TNNI3K: variants seen among roughly 807,000 people sequenced by gnomAD.
The protein encoded by TNNI3K is TNNI3 interacting kinase, also known as serine/threonine-protein kinase TNNI3K.
A neutral mutation model predicts 114.5 loss-of-function variants in TNNI3K; 140 were observed. The ratio of observed to expected loss-of-function variants is 1.22; its 90% CI spans 1.07 to 1.41. The LOEUF (loss-of-function observed/expected upper bound fraction) is 1.41, where lower values mean the gene tolerates loss of function less well. Ranked by LOEUF, TNNI3K falls within the 40% of genes most tolerant of loss-of-function variation. The probability of loss-of-function intolerance (pLI) is 0.00; values close to 1 mark genes in which losing one functional copy is unlikely to be tolerated. For missense variants in TNNI3K, 1,125 were observed against 1,007.6 expected, an observed-to-expected ratio of 1.12 and a Z score of -1.58; for synonymous variants, 347 against 347.5, an observed-to-expected ratio of 1.00 and a Z score of 0.02.
chr1:74,380,888 T>A (rs947324786), intron 17 of TNNI3K, among the ~76,000 whole-genome samples: 1 of 152,154 alleles, frequency 6.6e-6, no homozygotes, highest in African/African-American at 2.4e-5. Flanking sequence ...CTTAAGATTC[T>A]GGAGTTTAAT....
chr1:74,512,556 T>A (rs1429180779), intron 23 of TNNI3K: 1 of 152,218 alleles, frequency 6.6e-6, no homozygotes, highest in African/African-American at 2.4e-5. Context: ...AGTTTGTGAA[T>A]CTCTACATTA....
At chr1:74,481,078 A>G in intron 21 of TNNI3K, 1 of 596,304 alleles carries the variant, frequency 1.7e-6, no homozygotes, top group Non-Finnish European at 3.0e-6. Context: ...TCACCTGGGT[A>G]AAAACAATAA....
chr1:74,538,942 T>G (rs923600106), intron 23 of TNNI3K, among the ~76,000 whole-genome samples: 3 of 152,182 alleles, frequency 2.0e-5, no homozygotes, highest in African/African-American at 7.2e-5. Flanking sequence ...AGAGCATTTG[T>G]ATTTTATTCC....
intron 20 of TNNI3K, among the ~76,000 whole-genome samples, chr1:74,460,847 T>C (rs1376554558): frequency 6.6e-6 from 1 of 152,206 alleles, no homozygotes; most frequent in African/African-American, 2.4e-5. Flanking sequence ...TAATGAAGAA[T>C]TAAATATCAT....
chr1:74,309,332 G>A (rs1424306398), intron 5 of TNNI3K, among the ~76,000 whole-genome samples: 1 of 118,008 alleles, frequency 8.5e-6, no homozygotes, highest in African/African-American at 3.2e-5. Context: ...TTGCGCCACT[G>A]CACTCCAGCC....
At chr1:74,470,035 A>T in intron 21 of TNNI3K, 1 of 400,730 alleles carries the variant, frequency 2.5e-6, no homozygotes, top group Non-Finnish European at 4.4e-6. Context: ...TAAGAAGGAA[A>T]GCGCTTCATG....
chr1:74,370,511 A>G (rs1662539274), intron 17 of TNNI3K, 119 bp downstream of exon 17: 2 of 769,308 alleles, frequency 2.6e-6, no homozygotes, highest in African/African-American at 1.8e-5. Flanking sequence ...GGTTAAGAGG[A>G]CAGGCTACCA....
chr1:74,440,013 G>C (rs1245546436), intron 20 of TNNI3K, among the ~76,000 whole-genome samples: 1 of 152,000 alleles, frequency 6.6e-6, no homozygotes, highest in African/African-American at 2.4e-5. Context: ...TAGTAACACA[G>C]AAATAACCTG....
intron 11 of TNNI3K, among the ~76,000 whole-genome samples, chr1:74,360,057 T>A (rs1009157053): frequency 2.6e-5 from 4 of 151,982 alleles, no homozygotes; most frequent in Non-Finnish European, 5.9e-5. Flanking sequence ...AAAGTCTTCT[T>A]TATTTTGCTT....
intron 23 of TNNI3K, among the ~76,000 whole-genome samples, chr1:74,511,594 T>C (rs1557618148): frequency 2.0e-5 from 3 of 152,128 alleles, no homozygotes; most frequent in Admixed American, 6.5e-5. Context: ...AGCTCTTATA[T>C]ATTGAATCAT....
intron 23 of TNNI3K, 41 bp from the exon 24 acceptor site, chr1:74,540,193 A>C (rs752505483): frequency 6.3e-7 from 1 of 1,593,692 alleles, no homozygotes; most frequent in South Asian, 1.1e-5. Context: ...TGTTATTATC[A>C]GATCACCATA....
At chr1:74,507,221 T>TAA (rs1553153836) in intron 23 of TNNI3K, among the ~76,000 whole-genome samples, 1 of 86,024 alleles carries the variant, frequency 1.2e-5, no homozygotes, top group Non-Finnish European at 2.6e-5. Flanking sequence ...TTAAATTTCT[T>TAA]CACCCCCCCC....
At chr1:74,308,914 A>C (rs1658811953) in intron 5 of TNNI3K, among the ~76,000 whole-genome samples, 1 of 152,172 alleles carries the variant, frequency 6.6e-6, no homozygotes, top group Admixed American at 6.5e-5. Context: ...GAAATGGATA[A>C]ATTCTCAGAA....
intron 20 of TNNI3K, among the ~76,000 whole-genome samples, chr1:74,445,370 C>CT (rs1208319612): frequency 2.0e-5 from 2 of 99,652 alleles, no homozygotes; most frequent in Admixed American, 2.3e-4. Flanking sequence ...TCCCTCCCCC[C>CT]TCCCCCCACC....
intron 3 of TNNI3K, 115 bp downstream of exon 3, chr1:74,249,659 C>T (rs2100845750): frequency 1.9e-6 from 2 of 1,035,584 alleles, no homozygotes; most frequent in East Asian, 5.8e-5. Context: ...TTCCCTTCTG[C>T]TTTGCCTTTT....
intron 17 of TNNI3K, among the ~76,000 whole-genome samples, chr1:74,411,323 A>C (rs145368440): frequency 6.6e-6 from 1 of 152,206 alleles, no homozygotes; most frequent in Non-Finnish European, 1.5e-5. Flanking sequence ...GTGCGGATAC[A>C]CTGAGATACA....
At position 74,289,260 on chromosome 1, in the gene TNNI3K, T is replaced by G. The variant is rs537057289; in HGVS notation, c.444+17552T>G. Among the ~76,000 whole-genome samples the G allele has an allele frequency of 1.2e-4, 18 of 152,088 alleles. No individual in the cohort carries two copies. The South Asian group carries it at 3.5e-3, about 30-fold the overall frequency. ...AAAAATGGATATATGCTGTTTTGATTTTTAAAAATTAATTAAAAAATGATG... is the reference window on the plus strand; with the variant it reads ...AAAAATGGATATATGCTGTTTTGATGTTTAAAAATTAATTAAAAAATGATG... On this transcript the variant is annotated intron_variant, in intron 5 of 24. Transcript: ENST00000326637.
At chr1:74,492,432 T>A (rs1272924468) in intron 23 of TNNI3K, among the ~76,000 whole-genome samples, 166 bp downstream of exon 23, 1 of 152,170 alleles carries the variant, frequency 6.6e-6, no homozygotes, top group African/African-American at 2.4e-5. Flanking sequence ...AAATTAGAAA[T>A]TTTATTATCT....
chr1:74,375,225 T>TGG (rs1275574899), intron 17 of TNNI3K: 1 of 157,258 alleles, frequency 6.4e-6, no homozygotes, highest in Admixed American at 6.3e-5. Context: ...AAAACCACCT[T>TGG]TGCAAAAACT....
Sources: gnomAD v4.1 joint callset for allele counts (sites outside exome capture counted in the v4.1 genomes callset) on GRCh38, gnomAD v4.1.1 for gene constraint, MANE v1.5 for transcripts, NCBI Gene and HGNC (gene_info 2026-07-23, HGNC 2026-07-21) for gene names.